DNM2: variants seen among roughly 807,000 people sequenced by gnomAD.
DNM2 encodes dynamin-2.
In DNM2, 15 loss-of-function variants were observed where a neutral mutation model predicts 99.0. The ratio of observed to expected loss-of-function variants is 0.15; its 90% CI spans 0.10 to 0.23. The LOEUF (loss-of-function observed/expected upper bound fraction) is 0.23, where lower values mean the gene tolerates loss of function less well. DNM2 is among the 10% of genes least tolerant of loss of function. The probability of loss-of-function intolerance (pLI) is 1.00; values close to 1 mark genes in which losing one functional copy is unlikely to be tolerated. For missense variants in DNM2, 742 were observed against 1,189.4 expected (o/e 0.62, Z 5.53); for synonymous variants, 525 against 481.2 (o/e 1.09, Z -1.19).
rs575547693 is a variant in DNM2 at position 10,738,950 on chromosome 19, C to T, written c.161+20547C>T. Among the ~76,000 whole-genome samples, 1,094 of 151,128 alleles carry T rather than the reference C, an allele frequency of 7.2e-3. 9 individuals are homozygous for T. The highest frequency in any genetic ancestry group is 0.025 in the African/African-American group (1,042 of 41,160). On this transcript the variant is annotated intron_variant, in intron 1 of 20. Transcript: ENST00000389253. ...TTGGGAGGCCGAGGTGGGCGGATCACGAGGTCAGGAGATTGAGACCATCCT... is the reference window on the plus strand; with the variant it reads ...TTGGGAGGCCGAGGTGGGCGGATCATGAGGTCAGGAGATTGAGACCATCCT...
chr19:10,821,943 T>A (rs2146169659), intron 16 of DNM2, among the ~76,000 whole-genome samples: 1 of 152,252 alleles, frequency 6.6e-6, no homozygotes, highest in South Asian at 2.1e-4. Flanking sequence ...GGCATGCCTC[T>A]CCCCACACAA....
At chr19:10,740,486 G>A (rs1432328170) in intron 1 of DNM2, among the ~76,000 whole-genome samples, 1 of 151,396 alleles carries the variant, frequency 6.6e-6, no homozygotes, top group Non-Finnish European at 1.5e-5. Context: ...CGCCATCCTC[G>A]TGCCTCAGCC....
At chr19:10,798,249 C>G (rs537603623) in intron 10 of DNM2, 4 of 569,174 alleles carry the variant, frequency 7.0e-6, no homozygotes, top group South Asian at 2.0e-5. Flanking sequence ...TCCTGCCCCC[C>G]GGTCACTGGC....
intron 1 of DNM2, among the ~76,000 whole-genome samples, chr19:10,752,007 T>C (rs2070213736): frequency 6.6e-6 from 1 of 152,078 alleles, no homozygotes; most frequent in African/African-American, 2.4e-5. Flanking sequence ...TTGGCCGGGG[T>C]CGGGTCATAC....
At chr19:10,780,769 A>G (rs1156350840) in intron 5 of DNM2, among the ~76,000 whole-genome samples, 2 of 151,954 alleles carry the variant, frequency 1.3e-5, no homozygotes, top group African/African-American at 4.8e-5. Flanking sequence ...CTCTCTCTTA[A>G]AAAATTATCC....
rs1313232394 is a variant in DNM2 at position 10,798,631 on chromosome 19, ACTGTTCTGTGCATG to A, written c.1422+63_1422+76del. On this transcript the variant is annotated intron_variant, in intron 11 of 20. Transcript: ENST00000389253. ...TTTACATGCAGTAAATGTCAAGTGT[ACTGTTCTGTGCATG>A]CTGACAGCTGCATATGGCAAAGTAA... is the stretch of plus-strand genomic sequence containing the variant. The A allele has an allele frequency of 2.5e-6, 4 of 1,597,666 alleles. No homozygotes were observed. The African/African-American group carries it at 5.4e-5, about 21-fold the overall frequency.
intron 2 of DNM2, chr19:10,768,876 T>C (rs144598560): frequency 6.6e-6 from 1 of 152,336 alleles, no homozygotes; most frequent in East Asian, 1.9e-4. Context: ...AAGCTCTCTA[T>C]ATTAGATTTC....
chr19:10,768,111 G>A (rs1218347895), intron 2 of DNM2, among the ~76,000 whole-genome samples: 3 of 152,074 alleles, frequency 2.0e-5, no homozygotes. Flanking sequence ...TCGCCCACAT[G>A]GAGGGGTTGG....
chr19:10,806,784 C>T (rs983141303), intron 13 of DNM2, among the ~76,000 whole-genome samples: 1 of 152,120 alleles, frequency 6.6e-6, no homozygotes, highest in African/African-American at 2.4e-5. Flanking sequence ...CAGGGCCAGA[C>T]TCTGTCTCCA....
chr19:10,733,485 G>A (rs1480115310), intron 1 of DNM2, among the ~76,000 whole-genome samples: 2 of 151,856 alleles, frequency 1.3e-5, no homozygotes, highest in Non-Finnish European at 2.9e-5. Context: ...GAGCCACAAC[G>A]CCCTGCCTAG....
chr19:10,791,849 G>A (rs1295978097), intron 7 of DNM2, among the ~76,000 whole-genome samples: 1 of 152,170 alleles, frequency 6.6e-6, no homozygotes, highest in East Asian at 1.9e-4. Flanking sequence ...ACTTTGGGAG[G>A]CCAAGGCGGG....
rs1360898403 is a variant in DNM2 at position 10,765,823 on chromosome 19, TCTC to T, written c.235+6016_235+6018del. ...CAACAGCAGGTTTGGGAAAGGCAGA[TCTC>T]CTCTCCTTGCCTTCAGGGCCAGCCT... On this transcript the variant is annotated intron_variant, in intron 2 of 20. Transcript: ENST00000389253. The surrounding 1 kb of genome is among the most constrained non-coding windows in gnomAD (Gnocchi z 4.4). Among the ~76,000 whole-genome samples, 2 of 152,142 alleles carry T rather than the reference TCTC, an allele frequency of 1.3e-5. No individual in the cohort carries two copies. The highest frequency in any genetic ancestry group is 2.9e-5 in the Non-Finnish European group (2 of 68,030).
intron 15 of DNM2, among the ~76,000 whole-genome samples, chr19:10,814,831 G>A (rs184195428): frequency 7.2e-5 from 11 of 152,198 alleles, no homozygotes; most frequent in East Asian, 1.9e-4. Flanking sequence ...TGATCAACCC[G>A]TTTCTTGCTT....
At chr19:10,803,208 G>T (rs2072217259) in intron 12 of DNM2, among the ~76,000 whole-genome samples, 1 of 152,196 alleles carries the variant, frequency 6.6e-6, no homozygotes, top group African/African-American at 2.4e-5. Context: ...GCCTTGAGGG[G>T]TCAGGCAGGC....
intron 2 of DNM2, among the ~76,000 whole-genome samples, chr19:10,766,998 G>T (rs1004465870): frequency 6.6e-6 from 1 of 152,108 alleles, no homozygotes; most frequent in Admixed American, 6.5e-5. Context: ...AAAATGCTTT[G>T]CAGTTTGCCG....
chr19:10,769,030 C>G (rs2070891423), intron 2 of DNM2, among the ~76,000 whole-genome samples: 1 of 152,118 alleles, frequency 6.6e-6, no homozygotes, highest in Admixed American at 6.6e-5. Flanking sequence ...CTTGCCCTCT[C>G]TGGGCTCCTG....
rs377541146 is a variant in DNM2 at position 10,816,536 on chromosome 19, G to A, written c.1672-3444G>A. Among the ~76,000 whole-genome samples, 4 of 152,252 alleles carry A rather than the reference G, an allele frequency of 2.6e-5. No homozygotes were observed. Among genetic ancestry groups the A allele is most frequent in the East Asian group, 3.9e-4 (2 of 5,168 alleles). On this transcript the variant is annotated intron_variant, in intron 15 of 20. Transcript: ENST00000389253. The surrounding 1 kb of genome is among the most constrained non-coding windows in gnomAD (Gnocchi z 4.6). ...GCCTCAGGCACCTCTAGGAACTCACGTGTCCAGATCGGATGGCTCCTCAAA... is the reference window on the plus strand; with the variant it reads ...GCCTCAGGCACCTCTAGGAACTCACATGTCCAGATCGGATGGCTCCTCAAA...
At chr19:10,798,620 A>T in intron 11 of DNM2, 48 bp downstream of exon 11, 5 of 1,605,420 alleles carry the variant, frequency 3.1e-6, no homozygotes, top group Non-Finnish European at 4.3e-6. Flanking sequence ...CATGCAGTAA[A>T]TGTCAAGTGT....
In DNM2 at chr19:10,818,169, T is replaced by G. The variant is rs886304193; in HGVS notation, c.1672-1811T>G. On this transcript the variant is annotated intron_variant, in intron 15 of 20. Transcript: ENST00000389253. The surrounding 1 kb of genome is among the most constrained non-coding windows in gnomAD (Gnocchi z 4.3). ...GGCTTTCTTCATCACCTTCCCTCCCTTGGGTCCGCAGCGGCATCCCTCCCT... is the reference window on the plus strand; with the variant it reads ...GGCTTTCTTCATCACCTTCCCTCCCGTGGGTCCGCAGCGGCATCCCTCCCT... 1.3e-5 allele frequency among the ~76,000 whole-genome samples: 2 copies of G among 150,758 alleles called. No homozygotes were observed. The highest frequency in any genetic ancestry group is 2.9e-5 in the Non-Finnish European group (2 of 67,828).
Sources: gnomAD v4.1 joint callset for allele counts (sites outside exome capture counted in the v4.1 genomes callset) on GRCh38, gnomAD v4.1.1 for gene constraint, Gnocchi (gnomAD v3.1) non-coding constraint, MANE v1.5 for transcripts, NCBI Gene and HGNC (gene_info 2026-07-23, HGNC 2026-07-21) for gene names.